GABBR2: variants seen among roughly 807,000 people sequenced by gnomAD.
GABBR2 encodes gamma-aminobutyric acid type B receptor subunit 2.
A neutral mutation model predicts 105.6 loss-of-function variants in GABBR2; 23 were observed. The observed-to-expected ratio is 0.22, with a 90% CI of 0.16 to 0.31. The LOEUF (loss-of-function observed/expected upper bound fraction) is 0.31, where lower values mean the gene tolerates loss of function less well. Among genes scored for constraint, GABBR2 ranks in the 10% least tolerant of loss-of-function variants. The pLI, the probability that GABBR2 is intolerant of heterozygous loss-of-function variation, is 1.00. For missense variants in GABBR2, 734 were observed against 1,245.5 expected, an observed-to-expected ratio of 0.59 and a Z score of 6.18; for synonymous variants, 478 against 499.7, an observed-to-expected ratio of 0.96 and a Z score of 0.58.
At chr9:98,442,621 T>A (rs1826052381) in intron 7 of GABBR2, among the ~76,000 whole-genome samples, 1 of 152,194 alleles carries the variant, frequency 6.6e-6, no homozygotes, top group Non-Finnish European at 1.5e-5. Context: ...TGGGGATGTG[T>A]CAGTTTGCTT....
intron 3 of GABBR2, among the ~76,000 whole-genome samples, chr9:98,508,098 T>C (rs537357130): frequency 6.6e-6 from 1 of 152,250 alleles, no homozygotes; most frequent in Non-Finnish European, 1.5e-5. Flanking sequence ...CAAACCAATG[T>C]TTACAAAAAC....
intron 6 of GABBR2, among the ~76,000 whole-genome samples, chr9:98,462,891 T>C (rs560471372): frequency 3.3e-5 from 5 of 152,300 alleles, no homozygotes; most frequent in African/African-American, 7.2e-5. Context: ...ATAATCCTTT[T>C]TTCTTCTTTT....
At chr9:98,432,462 G>A (rs1221664876) in intron 7 of GABBR2, among the ~76,000 whole-genome samples, 1 of 152,154 alleles carries the variant, frequency 6.6e-6, no homozygotes, top group African/African-American at 2.4e-5. Flanking sequence ...GAGGTGGGTG[G>A]GAAGGTGGAA....
intron 7 of GABBR2, among the ~76,000 whole-genome samples, chr9:98,443,231 C>G (rs1826063220): frequency 6.6e-6 from 1 of 152,170 alleles, no homozygotes; most frequent in African/African-American, 2.4e-5. Context: ...CTCTTTGTTT[C>G]TCCCAGGGAT....
intron 1 of GABBR2, among the ~76,000 whole-genome samples, chr9:98,595,122 A>G (rs1272329649): frequency 6.6e-6 from 1 of 152,112 alleles, no homozygotes; most frequent in East Asian, 1.9e-4. Context: ...ACCGTTCTGG[A>G]GGCCAGAAAG....
At chr9:98,520,929 G>C (rs1157901512) in intron 3 of GABBR2, among the ~76,000 whole-genome samples, 1 of 152,084 alleles carries the variant, frequency 6.6e-6, no homozygotes, top group East Asian at 1.9e-4. Context: ...AAGTGCCCAG[G>C]AAAAACTATA....
chr9:98,301,442 T>C (rs1032632397), intron 16 of GABBR2, among the ~76,000 whole-genome samples: 1 of 152,156 alleles, frequency 6.6e-6, no homozygotes, highest in Non-Finnish European at 1.5e-5. Flanking sequence ...GGTTAGAGGA[T>C]TTTTCCAAAC....
intron 1 of GABBR2, among the ~76,000 whole-genome samples, chr9:98,698,502 T>TC (rs1028987018): frequency 8.7e-4 from 52 of 59,632 alleles, no homozygotes; most frequent in African/African-American, 2.1e-3. Context: ...TATGCACAAT[T>TC]CTTTTTTTTT....
At chr9:98,296,685 A>G (rs1431499496) in intron 17 of GABBR2, among the ~76,000 whole-genome samples, 1 of 152,220 alleles carries the variant, frequency 6.6e-6, no homozygotes, top group Non-Finnish European at 1.5e-5. Context: ...TCCTTTTATG[A>G]GAACTCTCTT....
intron 2 of GABBR2, among the ~76,000 whole-genome samples, chr9:98,577,228 A>ATGGATGGATGGATGGATGGTTAGGCGAAT (rs769775744): frequency 1.3e-5 from 2 of 151,116 alleles, no homozygotes; most frequent in African/African-American, 4.9e-5. Context: ...GGATGGATGG[A>ATGGATGGATGGATGGATGGTTAGGCGAAT]GCAAAAAAGT....
At chr9:98,437,624 C>T (rs1179895344) in intron 7 of GABBR2, among the ~76,000 whole-genome samples, 1 of 143,230 alleles carries the variant, frequency 7.0e-6, no homozygotes, top group African/African-American at 2.8e-5. Flanking sequence ...CTTATCTGCC[C>T]ACCTGCCATC....
At chr9:98,496,549 TG>T in intron 3 of GABBR2, 35 bp from the exon 4 acceptor site, 1 of 1,448,550 alleles carries the variant, frequency 6.9e-7, no homozygotes, top group Non-Finnish European at 9.7e-7. Context: ...GTGGGTGTGC[TG>T]GGGACCACAG....
At chr9:98,592,013 G>C (rs915894534) in intron 1 of GABBR2, among the ~76,000 whole-genome samples, 2 of 152,180 alleles carry the variant, frequency 1.3e-5, no homozygotes, top group African/African-American at 2.4e-5. Context: ...CAAGCAAGGG[G>C]GGCACTTGAC....
At chr9:98,415,634 G>A (rs561783827) in intron 7 of GABBR2, among the ~76,000 whole-genome samples, 9 of 152,262 alleles carry the variant, frequency 5.9e-5, no homozygotes, top group East Asian at 1.9e-4. Context: ...ATTTGTGTGC[G>A]TTATTTAAGA....
intron 7 of GABBR2, among the ~76,000 whole-genome samples, chr9:98,413,699 G>T (rs1832630699): frequency 6.6e-6 from 1 of 152,158 alleles, no homozygotes; most frequent in Non-Finnish European, 1.5e-5. Flanking sequence ...CTTTCTGAGG[G>T]ACCATAACCA....
Position 98,293,821 on chromosome 9 carries a change from C to T in GABBR2, c.2624G>A (p.Cys875Tyr). The change falls in exon 18 of 19, where the codon TGC (cysteine) becomes TAC (tyrosine). Residue 875 changes from cysteine (C) to tyrosine (Y), a missense_variant. This residue lies in a region of GABBR2 where 134 missense variants were observed against 171.2 expected (regional missense o/e 0.78). Transcript: ENST00000259455. Reference sequence around the variant, plus strand: ...GTTTATATCTTCTATAGGATCTTTGCATGTTCGAGAGGGCTCTGTTGTGTT... The same window carrying T: ...GTTTATATCTTCTATAGGATCTTTGTATGTTCGAGAGGGCTCTGTTGTGTT... ...QWNTTEPSRT[C>Y]KDPIEDINSP... 6.2e-7 allele frequency: 1 copy of T among 1,606,756 alleles called. No homozygotes were observed. The highest frequency in any genetic ancestry group is 8.5e-7 in the Non-Finnish European group (1 of 1,173,684).
At chr9:98,648,884 G>C (rs889175131) in intron 1 of GABBR2, among the ~76,000 whole-genome samples, 1 of 152,080 alleles carries the variant, frequency 6.6e-6, no homozygotes, top group Non-Finnish European at 1.5e-5. Context: ...TCTACCTTTG[G>C]GATGACCTCA....
chr9:98,683,994 C>T lies in GABBR2; in HGVS notation c.321+24423G>A, dbSNP rs1416279123. 1.9e-5 allele frequency among the ~76,000 whole-genome samples: 2 copies of T among 104,566 alleles called. 1 individual carries two copies. Among genetic ancestry groups the T allele is most frequent in the African/African-American group, 7.6e-5 (2 of 26,430 alleles). The allele number at this position is 104,566 out of a possible 152,430, so 68.6% of individuals were successfully genotyped here. A position where few individuals can be genotyped will look rare whatever the true frequency, so the allele number is the denominator to read the frequency against. On this transcript the variant is annotated intron_variant, in intron 1 of 18. Coordinates refer to ENST00000259455, the MANE Select transcript of GABBR2 (RefSeq NM_005458.8). ...CTGAACTCCAGCCTGGGCGACAGAG[C>T]GAGACTCCATCTCAAAAAAAAAAAA...
intron 1 of GABBR2, among the ~76,000 whole-genome samples, chr9:98,578,415 A>C (rs1828950730): frequency 6.6e-6 from 1 of 152,158 alleles, no homozygotes; most frequent in Non-Finnish European, 1.5e-5. Context: ...GGATGATCCC[A>C]CACTCATTAA....
Sources: gnomAD v4.1 joint callset for allele counts (sites outside exome capture counted in the v4.1 genomes callset) on GRCh38, gnomAD v4.1.1 for gene constraint, gnomAD v4.1.1 regional missense constraint, MANE v1.5 for transcripts, NCBI Gene and HGNC (gene_info 2026-07-23, HGNC 2026-07-21) for gene names.